PCDHGB3: variants seen among roughly 807,000 people sequenced by gnomAD.
PCDHGB3 encodes the protein protocadherin gamma-B3.
Under a neutral mutation model 59.2 loss-of-function variants are expected in PCDHGB3, and 40 were observed. That is an observed-to-expected ratio of 0.68 (90% CI 0.52 to 0.88). The LOEUF (loss-of-function observed/expected upper bound fraction) is 0.88. Among genes scored for constraint, PCDHGB3 ranks in the 40% least tolerant of loss-of-function variants. The probability of loss-of-function intolerance (pLI) is 0.00; values close to 1 mark genes in which losing one functional copy is unlikely to be tolerated. For synonymous variants in PCDHGB3, 581 were observed against 503.6 expected, an observed-to-expected ratio of 1.15 and a Z score of -2.06; for missense variants, 1,309 against 1,187.9, an observed-to-expected ratio of 1.10 and a Z score of -1.50.
intron 1 of PCDHGB3, among the ~76,000 whole-genome samples, chr5:141,465,091 G>A (rs1689517062): frequency 6.7e-6 from 1 of 149,016 alleles, no homozygotes; most frequent in Non-Finnish European, 1.5e-5. Context: ...CATTTTTCTA[G>A]TAGTTTTTTT....
chr5:141,458,949 T>A (rs948180008), intron 1 of PCDHGB3, among the ~76,000 whole-genome samples: 1 of 151,814 alleles, frequency 6.6e-6, no homozygotes, highest in East Asian at 1.9e-4. Flanking sequence ...CTTAGGTTGG[T>A]CACAAATTCA....
At chr5:141,419,527 C>T (rs755936657) in intron 1 of PCDHGB3, 4 of 1,612,064 alleles carry the variant, frequency 2.5e-6, no homozygotes, top group Non-Finnish European at 2.5e-6. Context: ...GCGACCGTAA[C>T]GACAACGCAC....
At chr5:141,462,035 C>T (rs35674654) in intron 1 of PCDHGB3, among the ~76,000 whole-genome samples, 14,886 of 152,176 alleles carry the variant, frequency 0.098, 964 homozygotes, top group Non-Finnish European at 0.14. Context: ...GTTGGTCAGG[C>T]GGGTCTTGAA....
intron 1 of PCDHGB3, chr5:141,479,217 A>G (rs1433108919): frequency 1.3e-5 from 2 of 152,400 alleles, no homozygotes; most frequent in Non-Finnish European, 2.9e-5. Context: ...TTAAAAAATT[A>G]AAACTATAAT....
intron 1 of PCDHGB3, chr5:141,375,961 G>A: frequency 6.2e-7 from 1 of 1,613,370 alleles, no homozygotes; most frequent in Non-Finnish European, 8.5e-7. Flanking sequence ...CGGGCGAGGT[G>A]CGCACGGCGC....
At chr5:141,419,139 G>C in intron 1 of PCDHGB3, 1 of 1,613,916 alleles carries the variant, frequency 6.2e-7, no homozygotes, top group South Asian at 1.1e-5. Flanking sequence ...GCCACAGACA[G>C]GGGCAAGCCT....
At position 141,474,586 on chromosome 5, in the gene PCDHGB3, A is replaced by T. The variant is rs149003643; in HGVS notation, c.2416-20221A>T. 7.1e-4 allele frequency among the ~76,000 whole-genome samples: 108 copies of T among 152,340 alleles called. No individual in the cohort carries two copies. The East Asian group carries it at 0.015, about 21-fold the overall frequency. The stretch of plus-strand genomic sequence containing the variant: ...TCAGAGATTAATTGAAGTGTTAAAG[A>T]CATGGAAATATAGGTCACATATGGC... On this transcript the variant is annotated intron_variant, in intron 1 of 3. Coordinates refer to ENST00000576222, the MANE Select transcript of PCDHGB3 (RefSeq NM_018924.5).
At chr5:141,427,897 C>T (rs866283444) in intron 1 of PCDHGB3, 1 of 1,571,008 alleles carries the variant, frequency 6.4e-7, no homozygotes. Context: ...CAGGGCTCGC[C>T]CGCGCTCAGC....
At chr5:141,379,313 A>G (rs1053297201) in intron 1 of PCDHGB3, 11 of 152,382 alleles carry the variant, frequency 7.2e-5, no homozygotes, top group Non-Finnish European at 1.5e-4. Flanking sequence ...CCTAAACAAG[A>G]GATCTAATCA....
At chr5:141,420,208 A>G (rs1396340813) in intron 1 of PCDHGB3, 1 of 1,612,970 alleles carries the variant, frequency 6.2e-7, no homozygotes, top group Non-Finnish European at 8.5e-7. Flanking sequence ...ACCTCAACAA[A>G]GATAGCATGC....
At chr5:141,465,833 T>A (rs2099110537) in intron 1 of PCDHGB3, among the ~76,000 whole-genome samples, 1 of 152,002 alleles carries the variant, frequency 6.6e-6, no homozygotes, top group Non-Finnish European at 1.5e-5. Context: ...GTTTAAAATT[T>A]CAACTGAGGC....
At chr5:141,415,122 C>T (rs552568826) in intron 1 of PCDHGB3, 34 of 1,613,668 alleles carry the variant, frequency 2.1e-5, no homozygotes, top group Admixed American at 6.7e-5. Flanking sequence ...TCGTAGTGGC[C>T]GTCCAGGACC....
chr5:141,504,209 C>T (rs1305672612), intron 2 of PCDHGB3, among the ~76,000 whole-genome samples: 1 of 152,180 alleles, frequency 6.6e-6, no homozygotes, highest in Non-Finnish European at 1.5e-5. Flanking sequence ...TGGGAAAATT[C>T]CAAGTAGAGC....
chr5:141,482,503 C>A (rs375429072), intron 1 of PCDHGB3, among the ~76,000 whole-genome samples: 2 of 136,154 alleles, frequency 1.5e-5, no homozygotes, highest in South Asian at 4.4e-4. Context: ...CATTCTGGTA[C>A]CCAGAGTACA....
At chr5:141,471,926 G>T (rs2099266798) in intron 1 of PCDHGB3, among the ~76,000 whole-genome samples, 1 of 152,110 alleles carries the variant, frequency 6.6e-6, no homozygotes, top group African/African-American at 2.4e-5. Flanking sequence ...AATTTTGGGG[G>T]TGATGAGAGT....
chr5:141,436,842 T>G (rs986680968), intron 1 of PCDHGB3, among the ~76,000 whole-genome samples: 3 of 152,376 alleles, frequency 2.0e-5, no homozygotes, highest in African/African-American at 7.2e-5. Flanking sequence ...CCTAGGCACA[T>G]TCTTGATTGA....
chr5:141,403,582 G>A (rs973617374), intron 1 of PCDHGB3: 1 of 1,613,910 alleles, frequency 6.2e-7, no homozygotes, highest in Non-Finnish European at 8.5e-7. Flanking sequence ...CCCACCACCT[G>A]GTCCTCACGG....
chr5:141,490,345 G>GT lies in PCDHGB3; in HGVS notation c.2416-4461dup, dbSNP rs1363310763. The GT allele has an allele frequency of 6.2e-7, 1 of 1,614,216 alleles. No individual in the cohort carries two copies. The highest frequency in any genetic ancestry group is 2.2e-5 in the East Asian group (1 of 44,886). ...AGAGAGCACACCAGTGGGCACAGTAGTGGGGTTGTTTAATGTGCGAGACCG... is the reference window on the plus strand; with the variant it reads ...AGAGAGCACACCAGTGGGCACAGTAGTTGGGGTTGTTTAATGTGCGAGACCG... On this transcript the variant is annotated intron_variant, in intron 1 of 3. Transcript: ENST00000576222. This position sits in a 1 kb window ranked among gnomAD's most constrained non-coding sequence, Gnocchi z 5.4.
intron 1 of PCDHGB3, chr5:141,423,372 C>G: frequency 6.2e-7 from 1 of 1,614,178 alleles, no homozygotes; most frequent in Non-Finnish European, 8.5e-7. Context: ...TGCTGGCACT[C>G]AGGCTGTGGC....
Sources: allele counts gnomAD v4.1 joint callset (sites outside exome capture counted in the v4.1 genomes callset), GRCh38; gene constraint gnomAD v4.1.1; non-coding constraint Gnocchi (gnomAD v3.1); transcripts MANE v1.5; gene names NCBI Gene and HGNC (gene_info 2026-07-23, HGNC 2026-07-21).